Variants in HYAL1 observed in about 807,000 individuals in gnomAD.
HYAL1 encodes the protein hyaluronidase-1.
HYAL1 carries 21 observed loss-of-function variants against 28.8 expected under a neutral mutation model. That is an observed-to-expected ratio of 0.73 (90% CI 0.52 to 1.05). The LOEUF (loss-of-function observed/expected upper bound fraction) is 1.05. Among genes scored for constraint, HYAL1 ranks in the 50% least tolerant of loss-of-function variants. The probability of loss-of-function intolerance (pLI) is 0.00; values close to 1 mark genes in which losing one functional copy is unlikely to be tolerated. For synonymous variants in HYAL1, 200 were observed against 230.1 expected, an observed-to-expected ratio of 0.87 and a Z score of 1.18; for missense variants, 491 against 579.2, an observed-to-expected ratio of 0.85 and a Z score of 1.56.
chr3:50,300,823 G>A (rs782575758), intron 3 of HYAL1, 23 bp from the exon 4 acceptor site: 44 of 1,609,354 alleles, frequency 2.7e-5, no homozygotes, highest in South Asian at 4.4e-5. Flanking sequence ...GGAGGATAGC[G>A]TCAGGGACAC....
rs587774027 is a variant in HYAL1, at chr3:50,301,980, A to G, written c.900+77T>C. On this transcript the variant is annotated intron_variant, in intron 2 of 3. Transcript: ENST00000395144. ...AAAAAAAAACGAAGAAAATGTCCCA[A>G]AGCTAAAGTACCCCAAGGCTGGACC... is the stretch of plus-strand genomic sequence containing the variant. The G allele has an allele frequency of 1.5e-4, 229 of 1,486,614 alleles. 6 individuals carry two copies. In the South Asian group the frequency reaches 2.5e-3, roughly 16 times the overall value. 92.1% of individuals were successfully genotyped at this position (1,486,614 alleles called of 1,614,324 possible). A position where few individuals can be genotyped will look rare whatever the true frequency, so the allele number is the denominator to read the frequency against.
At chr3:50,311,020 AC>A (rs1217860853) in intron 1 of HYAL1, among the ~76,000 whole-genome samples, 1 of 152,154 alleles carries the variant, frequency 6.6e-6, no homozygotes. Flanking sequence ...AGACATGGCA[AC>A]CATCCGATTT....
At position 50,302,147 on chromosome 3, in the gene HYAL1, G is replaced by A. The variant is rs1463494413; in HGVS notation, c.810C>T (p.Phe270=). The part of the protein sequence containing the change: ...MYVQHRVAEA[F]RVAVAAGDPN... ...GGTCACCAGCAGCCACAGCCACACG[G>A]AATGCCTCGGCCACACGGTGTTGCA... Residue 270 remains phenylalanine (F), a synonymous_variant, in exon 2 of 4, where the codon TTC becomes TTT. Transcript: ENST00000395144. The surrounding 1 kb of genome is among the most constrained non-coding windows in gnomAD (Gnocchi z 5.0). 6.2e-7 allele frequency: 1 copy of A among 1,614,184 alleles called. No individual in the cohort carries two copies. Among genetic ancestry groups the A allele is most frequent in the Non-Finnish European group, 8.5e-7 (1 of 1,180,026 alleles).
chr3:50,302,912 T>C lies in HYAL1; in HGVS notation c.45A>G (p.Leu15=). ...CCCTAAAGCCTTGGGCCATATCGAG[T>C]AAGGTCAGGAAGAGGGCGCAGATGG... ...LLPICALFLT[L]LDMAQGFRGP... The change falls in exon 2 of 4, where the codon TTA becomes TTG. Residue 15 remains leucine, a synonymous_variant. Coordinates refer to ENST00000395144, the MANE Select transcript of HYAL1 (RefSeq NM_033159.4). This position sits in a 1 kb window ranked among gnomAD's most constrained non-coding sequence, Gnocchi z 5.0. The C allele has an allele frequency of 6.2e-7, 1 of 1,602,030 alleles. No individual in the cohort carries two copies. The highest frequency in any genetic ancestry group is 8.5e-7 in the Non-Finnish European group (1 of 1,172,086).
chr3:50,311,611 G>A (rs1553714830), intron 1 of HYAL1, among the ~76,000 whole-genome samples: 4 of 136,390 alleles, frequency 2.9e-5, no homozygotes, highest in Non-Finnish European at 6.4e-5. Flanking sequence ...GCGGCTGGCC[G>A]GGCGGGGGGC....
upstream of HYAL1, among the ~76,000 whole-genome samples, chr3:50,304,587 C>T (rs1702299096): frequency 6.6e-6 from 1 of 151,542 alleles, no homozygotes; most frequent in East Asian, 1.9e-4. Context: ...CATTTATATT[C>T]TTCTTCTGAT....
chr3:50,303,331 G>A (rs113603579), intron 1 of HYAL1, 135 bp downstream of exon 1: 23 of 183,804 alleles, frequency 1.3e-4, no homozygotes, highest in South Asian at 5.1e-4. Context: ...CCGACCAAGG[G>A]GGGGAGGCCT....
upstream of HYAL1, among the ~76,000 whole-genome samples, chr3:50,308,407 G>A (rs587602974): frequency 1.3e-4 from 19 of 150,748 alleles, 1 homozygote; most frequent in Admixed American, 3.3e-4. Context: ...GATTACAGGC[G>A]TGAGCCACCA....
chr3:50,300,394 C>G lies in HYAL1; in HGVS notation c.*89G>C. ...AGTGTACTCTTTACTGTGACCATGA[C>G]TTGTATGACTGTGCATGTATTTGAG... On this transcript the variant is annotated 3_prime_UTR_variant, in exon 4 of 4. Transcript: ENST00000395144. The G allele has an allele frequency of 7.7e-7, 1 of 1,305,398 alleles. No homozygotes were observed. The highest frequency in any genetic ancestry group is 1.1e-6 in the Non-Finnish European group (1 of 901,766). The allele number at this position is 1,305,398 out of a possible 1,614,324, so 80.9% of individuals were successfully genotyped here. A position where few individuals can be genotyped will look rare whatever the true frequency, so the allele number is the denominator to read the frequency against.
upstream of HYAL1, among the ~76,000 whole-genome samples, chr3:50,307,980 A>G (rs1702368919): frequency 1.3e-5 from 2 of 150,598 alleles, no homozygotes; most frequent in South Asian, 4.2e-4. Flanking sequence ...TGTTTTTAGT[A>G]GAGACAGGGT....
upstream of HYAL1, among the ~76,000 whole-genome samples, chr3:50,307,510 C>G (rs1291292120): frequency 6.7e-6 from 1 of 149,740 alleles, no homozygotes; most frequent in East Asian, 2.0e-4. Flanking sequence ...GATACCCTGT[C>G]TCTACTAAAA....
intron 1 of HYAL1, among the ~76,000 whole-genome samples, chr3:50,312,030 C>A (rs868913058): frequency 0.059 from 8,010 of 136,860 alleles, 338 homozygotes; most frequent in Non-Finnish European, 0.095. Context: ...CTGTCCCCCC[C>A]ACCTCCCTCC....
rs368360137 is a variant in HYAL1 at position 50,302,474 on chromosome 3, A to G, written c.483T>C (p.Asp161=). 9.0e-5 allele frequency: 146 copies of G among 1,614,116 alleles called. No individual in the cohort carries two copies. The East Asian group carries it at 1.9e-3, about 21-fold the overall frequency. Residue 161 remains aspartate (D), a synonymous_variant, in exon 2 of 4, where the codon GAT becomes GAC. Transcript: ENST00000395144. The surrounding 1 kb of genome is among the most constrained non-coding windows in gnomAD (Gnocchi z 5.0). Reference sequence around the variant, plus strand: ...CTGCCTCCACCTGAGGAGCTGGCCAATCAGGGTGCTGTGCCTGTACCAGTG... The same window carrying G: ...CTGCCTCCACCTGAGGAGCTGGCCAGTCAGGGTGCTGTGCCTGTACCAGTG... ...SRALVQAQHP[D]WPAPQVEAVA... is the part of the protein sequence containing the mutation.
At chr3:50,311,202 C>T (rs1209082363) in intron 1 of HYAL1, among the ~76,000 whole-genome samples, 8 of 148,896 alleles carry the variant, frequency 5.4e-5, no homozygotes, top group East Asian at 2.0e-4. Flanking sequence ...CCTCACCTCC[C>T]GGACGGGGTG....
At chr3:50,307,766 ACAGT>A, upstream of HYAL1, among the ~76,000 whole-genome samples, 1 of 150,384 alleles carries the variant, frequency 6.6e-6, no homozygotes, top group Non-Finnish European at 1.5e-5. Flanking sequence ...CATGTCATGA[ACAGT>A]CAGTGTAAGT....
At chr3:50,301,592 G>T (rs1478314927) in intron 2 of HYAL1, among the ~76,000 whole-genome samples, 1 of 149,824 alleles carries the variant, frequency 6.7e-6, no homozygotes, top group African/African-American at 2.5e-5. Flanking sequence ...CTCCAGCCTG[G>T]GTGACAGAGC....
intron 1 of HYAL1, among the ~76,000 whole-genome samples, chr3:50,311,855 C>T (rs1375489398): frequency 1.3e-5 from 2 of 149,272 alleles, no homozygotes; most frequent in East Asian, 2.1e-4. Flanking sequence ...GCTGACCCCC[C>T]CACCTCCCTC....
chr3:50,305,444 C>T (rs1198256581), upstream of HYAL1, among the ~76,000 whole-genome samples: 1 of 151,014 alleles, frequency 6.6e-6, no homozygotes, highest in Admixed American at 6.6e-5. Flanking sequence ...GAGGTTTCAC[C>T]GTGTTAGCCA....
upstream of HYAL1, among the ~76,000 whole-genome samples, chr3:50,305,183 G>C (rs1277099365): frequency 6.6e-6 from 1 of 152,104 alleles, no homozygotes; most frequent in Admixed American, 6.5e-5. Context: ...AGCCCCCAGT[G>C]GGGGGCCGTG....
Sources: allele counts gnomAD v4.1 joint callset (sites outside exome capture counted in the v4.1 genomes callset), GRCh38; gene constraint gnomAD v4.1.1; non-coding constraint Gnocchi (gnomAD v3.1); transcripts MANE v1.5; gene names NCBI Gene and HGNC (gene_info 2026-07-23, HGNC 2026-07-21).